Variants in STK35 observed in about 807,000 individuals in gnomAD.
STK35 encodes serine/threonine kinase 35, also known as serine/threonine-protein kinase 35.
A neutral mutation model predicts 37.3 loss-of-function variants in STK35; 17 were observed. That is an observed-to-expected ratio of 0.46 (90% confidence interval 0.31 to 0.68). The LOEUF is 0.68. STK35 is among the 30% of genes least tolerant of loss of function. The pLI is 0.05. For missense variants in STK35, 595 were observed against 746.7 expected, an observed-to-expected ratio of 0.80 and a Z score of 2.37; for synonymous variants, 385 against 319.1, an observed-to-expected ratio of 1.21 and a Z score of -2.20.
At chr20:2,139,259 C>A (rs1294798882) in intron 3 of STK35, among the ~76,000 whole-genome samples, 1 of 152,142 alleles carries the variant, frequency 6.6e-6, no homozygotes, top group Admixed American at 6.5e-5. Context: ...GAAAGTAGTT[C>A]AGTTTCTCAG....
chr20:2,133,057 C>T (rs887785412), intron 3 of STK35, among the ~76,000 whole-genome samples: 6 of 152,246 alleles, frequency 3.9e-5, no homozygotes, highest in Admixed American at 2.0e-4. Flanking sequence ...TTTGTGATAG[C>T]ATTCTTTCTC....
intron 3 of STK35, among the ~76,000 whole-genome samples, chr20:2,118,860 G>A (rs147552733): frequency 6.6e-6 from 1 of 152,308 alleles, no homozygotes; most frequent in East Asian, 1.9e-4. Context: ...GTACAGAATT[G>A]TAGTCCAGGA....
At chr20:2,115,649 T>C (rs916236766) in intron 2 of STK35, among the ~76,000 whole-genome samples, 1 of 152,228 alleles carries the variant, frequency 6.6e-6, no homozygotes, top group African/African-American at 2.4e-5. Context: ...GAGAGGTTGG[T>C]CACCAGCTTT....
rs963961333 is a variant in STK35 at position 2,147,353 on chromosome 20, T to C, written c.*3607T>C. 1 of 152,690 alleles carries C rather than the reference T, an allele frequency of 6.5e-6. No homozygotes were observed. The highest frequency in any genetic ancestry group is 2.4e-5 in the African/African-American group (1 of 41,466). The allele number at this position is 152,690 out of a possible 1,614,324, so 9.5% of individuals were successfully genotyped here. A position where few individuals can be genotyped will look rare whatever the true frequency, so the allele number is the denominator to read the frequency against. On this transcript the variant is annotated 3_prime_UTR_variant, in exon 4 of 4. Transcript: ENST00000381482. ...TGTCTCCTAGCCTAGAAAACCAGTG[T>C]TTGGAGCAATAAGATGATTATTTTT...
chr20:2,116,040 C>T (rs1174100907), intron 2 of STK35, among the ~76,000 whole-genome samples: 1 of 152,110 alleles, frequency 6.6e-6, no homozygotes, highest in Non-Finnish European at 1.5e-5. Context: ...GGATACCTGT[C>T]ATCTCCTTGA....
In STK35 at chr20:2,115,596, C is replaced by G. The variant is rs538993920; in HGVS notation, c.893-1070C>G. Among the ~76,000 whole-genome samples the G allele has an allele frequency of 5.9e-5, 9 of 152,300 alleles. No homozygotes were observed. The Middle Eastern group carries it at 0.017, about 288-fold the overall frequency. Reference sequence around the variant, plus strand: ...CACATAACATCCACATAAAGATTCACTGGACTGTCAGTTGCTTTATAAAGA... The same window carrying G: ...CACATAACATCCACATAAAGATTCAGTGGACTGTCAGTTGCTTTATAAAGA... On this transcript the variant is annotated intron_variant, in intron 2 of 3. Transcript: ENST00000381482.
intron 2 of STK35, among the ~76,000 whole-genome samples, chr20:2,108,263 C>G (rs1340886202): frequency 6.6e-6 from 1 of 152,226 alleles, no homozygotes; most frequent in African/African-American, 2.4e-5. Context: ...AATCCCAACA[C>G]TTTGGGAGGC....
intron 2 of STK35, among the ~76,000 whole-genome samples, chr20:2,115,900 C>G (rs969479390): frequency 6.6e-6 from 1 of 152,144 alleles, no homozygotes; most frequent in African/African-American, 2.4e-5. Flanking sequence ...CTCCTGCCCC[C>G]CCCTTCACTG....
intron 2 of STK35, among the ~76,000 whole-genome samples, chr20:2,111,256 G>A (rs1406716749): frequency 6.6e-6 from 1 of 152,138 alleles, no homozygotes; most frequent in Admixed American, 6.5e-5. Context: ...TCCAAGATAT[G>A]CTCTTTCACA....
At chr20:2,134,080 G>C (rs1986043415) in intron 3 of STK35, among the ~76,000 whole-genome samples, 1 of 152,068 alleles carries the variant, frequency 6.6e-6, no homozygotes, top group African/African-American at 2.4e-5. Flanking sequence ...GTCTCCTCCT[G>C]ATAACATTCG....
Position 2,143,116 on chromosome 20 carries a change from G to T in STK35, c.*38-668G>T, listed in dbSNP as rs552716045. On this transcript the variant is annotated intron_variant, in intron 3 of 3. Transcript: ENST00000381482. ...AGAGGACTTAAATTCCCCCACAGTCGAGGGGCAGCTCCTGTTTACTCAGTT... is the reference window on the plus strand; with the variant it reads ...AGAGGACTTAAATTCCCCCACAGTCTAGGGGCAGCTCCTGTTTACTCAGTT... 3.5e-4 allele frequency among the ~76,000 whole-genome samples: 53 copies of T among 152,298 alleles called. 2 individuals carry two copies. The South Asian group carries it at 9.5e-3, about 27-fold the overall frequency.
At chr20:2,127,346 G>A (rs1985924161) in intron 3 of STK35, among the ~76,000 whole-genome samples, 1 of 151,854 alleles carries the variant, frequency 6.6e-6, no homozygotes. Context: ...GCATGGAGTT[G>A]GGAGTATAGT....
At chr20:2,127,642 A>G (rs750624362) in intron 3 of STK35, among the ~76,000 whole-genome samples, 2 of 152,166 alleles carry the variant, frequency 1.3e-5, no homozygotes, top group African/African-American at 4.8e-5. Flanking sequence ...CATGGTCCAG[A>G]GGTCCTCCTC....
chr20:2,102,801 A>G lies in STK35; in HGVS notation c.328A>G (p.Arg110Gly), dbSNP rs1207849943. ...TIQGPAPPRP[R>G]AGRRDEAGGA... ...CCAAGGTCCGGCTCCTCCGCGTCCCAGGGCCGGACGGAGGGATGAGGCAGG... is the reference window on the plus strand; with the variant it reads ...CCAAGGTCCGGCTCCTCCGCGTCCCGGGGCCGGACGGAGGGATGAGGCAGG... The change falls in exon 2 of 4, where the codon AGG (arginine) becomes GGG (glycine). Residue 110 changes from arginine (R) to glycine (G), a missense_variant. Transcript: ENST00000381482. 5.3e-6 allele frequency: 8 copies of G among 1,499,746 alleles called. No individual in the cohort carries two copies. The highest frequency in any genetic ancestry group is 1.2e-5 in the South Asian group (1 of 80,844). The allele number at this position is 1,499,746 out of a possible 1,614,324, so 92.9% of individuals were successfully genotyped here. A position where few individuals can be genotyped will look rare whatever the true frequency, so the allele number is the denominator to read the frequency against.
intron 3 of STK35, among the ~76,000 whole-genome samples, chr20:2,137,782 C>T (rs1332292191): frequency 7.2e-5 from 11 of 152,054 alleles, no homozygotes; most frequent in African/African-American, 2.7e-4. Context: ...AGGAGACATT[C>T]GTGCTGGGGC....
At chr20:2,139,904 C>A (rs1020864070) in intron 3 of STK35, among the ~76,000 whole-genome samples, 1 of 152,294 alleles carries the variant, frequency 6.6e-6, no homozygotes, top group East Asian at 1.9e-4. Flanking sequence ...ATCACTGACA[C>A]CTTCCACCCC....
At position 2,140,984 on chromosome 20, in the gene STK35, C is replaced by T. The variant is rs117010598; in HGVS notation, c.*38-2800C>T. Among the ~76,000 whole-genome samples, 21 of 152,312 alleles carry T rather than the reference C, an allele frequency of 1.4e-4. No homozygotes were observed. In the East Asian group the frequency reaches 4.1e-3, roughly 29 times the overall value. On this transcript the variant is annotated intron_variant, in intron 3 of 3. Transcript: ENST00000381482. ...GGCATCCTTTTCAGGAGATTGTCCG[C>T]AGGGAGGGAGGAAAGGAATGCTGGA...
At chr20:2,142,684 G>C (rs1986191194) in intron 3 of STK35, among the ~76,000 whole-genome samples, 1 of 152,186 alleles carries the variant, frequency 6.6e-6, no homozygotes, top group Non-Finnish European at 1.5e-5. Context: ...TAGAGCACAG[G>C]AGTTCAAGGT....
intron 2 of STK35, among the ~76,000 whole-genome samples, chr20:2,107,866 A>T (rs1280758762): frequency 6.6e-6 from 1 of 152,198 alleles, no homozygotes; most frequent in Admixed American, 6.5e-5. Flanking sequence ...CATTGGGGAA[A>T]TATAAGTTAA....
Sources: allele counts gnomAD v4.1 joint callset (sites outside exome capture counted in the v4.1 genomes callset), GRCh38; gene constraint gnomAD v4.1.1; transcripts MANE v1.5; gene names NCBI Gene and HGNC (gene_info 2026-07-23, HGNC 2026-07-21).